PLEKHM3: variants seen among roughly 807,000 people sequenced by gnomAD.
The protein encoded by PLEKHM3 is pleckstrin homology domain-containing family M member 3.
Under a neutral mutation model 81.8 loss-of-function variants are expected in PLEKHM3, and 45 were observed. That is an observed-to-expected ratio of 0.55 (90% confidence interval 0.43 to 0.71). The LOEUF (loss-of-function observed/expected upper bound fraction) is 0.71, where lower values mean the gene tolerates loss of function less well. PLEKHM3 is among the 30% of genes least tolerant of loss of function. The pLI is 0.00. For missense variants in PLEKHM3, 788 were observed against 924.3 expected, an observed-to-expected ratio of 0.85 and a Z score of 1.91; for synonymous variants, 352 against 356.4, an observed-to-expected ratio of 0.99 and a Z score of 0.14.
intron 6 of PLEKHM3, among the ~76,000 whole-genome samples, chr2:207,897,422 G>GT (rs1688262073): frequency 6.6e-6 from 1 of 152,130 alleles, no homozygotes; most frequent in African/African-American, 2.4e-5. Context: ...TATCTCCTAA[G>GT]CCCTTAAGTG....
At chr2:207,964,515 G>A (rs1210540900) in intron 3 of PLEKHM3, among the ~76,000 whole-genome samples, 1 of 152,134 alleles carries the variant, frequency 6.6e-6, no homozygotes, top group Admixed American at 6.5e-5. Flanking sequence ...AGGCTGCAAA[G>A]GAGAAATGTT....
chr2:207,956,491 T>C (rs894829177), intron 3 of PLEKHM3, among the ~76,000 whole-genome samples: 1 of 151,384 alleles, frequency 6.6e-6, no homozygotes, highest in African/African-American at 2.4e-5. Context: ...TAAAAAAAGA[T>C]ATAGGAACAA....
At chr2:207,951,638 C>G (rs147840335) in intron 3 of PLEKHM3, among the ~76,000 whole-genome samples, 1 of 152,284 alleles carries the variant, frequency 6.6e-6, no homozygotes, top group African/African-American at 2.4e-5. Flanking sequence ...ACCATTTAAC[C>G]AAAATCCTAT....
chr2:207,848,189 C>A (rs918529146), intron 7 of PLEKHM3, among the ~76,000 whole-genome samples: 1 of 152,204 alleles, frequency 6.6e-6, no homozygotes, highest in Non-Finnish European at 1.5e-5. Context: ...GTGCTTCTCT[C>A]CCCTTCTCCT....
rs762619666 is a variant in PLEKHM3, at chr2:207,976,619, A to C, written c.1546+32T>G. On this transcript the variant is annotated intron_variant, in intron 3 of 7. Transcript: ENST00000427836. This position sits in a 1 kb window ranked among gnomAD's most constrained non-coding sequence, Gnocchi z 4.1. The stretch of plus-strand genomic sequence containing the variant: ...ATTGTGGGGTTCAGGATTGTTCTTT[A>C]ATGAGCTATAGGCTGAAAATCTGCT... 81 of 1,577,832 alleles carry C rather than the reference A, an allele frequency of 5.1e-5. No homozygotes were observed. The highest frequency in any genetic ancestry group is 5.0e-5 in the Non-Finnish European group (58 of 1,160,104).
chr2:207,922,423 G>A (rs1018168496), intron 5 of PLEKHM3, among the ~76,000 whole-genome samples: 10 of 152,168 alleles, frequency 6.6e-5, no homozygotes, highest in Non-Finnish European at 1.5e-4. Flanking sequence ...ACTAGCATGT[G>A]TGGTCTTCTA....
chr2:207,963,308 A>T (rs1042075339), intron 3 of PLEKHM3, among the ~76,000 whole-genome samples: 8 of 152,194 alleles, frequency 5.3e-5, no homozygotes, highest in East Asian at 1.9e-4. Context: ...GTGTGGCTGG[A>T]ACAGTGTGTA....
At chr2:207,861,578 A>G (rs1488501074) in intron 6 of PLEKHM3, among the ~76,000 whole-genome samples, 2 of 152,220 alleles carry the variant, frequency 1.3e-5, no homozygotes, top group South Asian at 2.1e-4. Flanking sequence ...AGGGTGTGGT[A>G]TAAGAGGAGT....
chr2:207,876,715 A>C (rs1268954228), intron 6 of PLEKHM3, among the ~76,000 whole-genome samples: 1 of 152,210 alleles, frequency 6.6e-6, no homozygotes. Flanking sequence ...GACTTAAGTA[A>C]CCAATCAGTT....
chr2:207,837,704 G>A (rs917287060), intron 7 of PLEKHM3, among the ~76,000 whole-genome samples: 16 of 124,006 alleles, frequency 1.3e-4, no homozygotes, highest in Non-Finnish European at 1.9e-4. Context: ...TGCCCACCTC[G>A]GCCTCCCAAA....
intron 3 of PLEKHM3, among the ~76,000 whole-genome samples, chr2:207,970,008 C>T (rs1343719095): frequency 6.6e-6 from 1 of 152,110 alleles, no homozygotes; most frequent in East Asian, 1.9e-4. Flanking sequence ...AATAATCAGC[C>T]CCCTTCTCTT....
intron 1 of PLEKHM3, among the ~76,000 whole-genome samples, chr2:208,017,373 G>C (rs1293024405): frequency 6.6e-6 from 1 of 152,094 alleles, no homozygotes; most frequent in Non-Finnish European, 1.5e-5. Context: ...CCAACGAACT[G>C]GTGGAGGGAG....
rs2092229554 is a variant in PLEKHM3 at position 207,823,267 on chromosome 2, A to C, written c.*5052T>G. The C allele has an allele frequency of 6.6e-6, 1 of 152,068 alleles. No homozygotes were observed. Among genetic ancestry groups the C allele is most frequent in the Non-Finnish European group, 1.5e-5 (1 of 68,034 alleles). 9.4% of individuals were successfully genotyped at this position (152,068 alleles called of 1,614,324 possible). On this transcript the variant is annotated 3_prime_UTR_variant, in exon 8 of 8. Coordinates refer to ENST00000427836, the MANE Select transcript of PLEKHM3 (RefSeq NM_001080475.3). The stretch of plus-strand genomic sequence containing the variant: ...CCATCACACCAGCGGCCACTTTACG[A>C]AGACAGTGCCACAAAACATGATCAT...
At chr2:208,004,166 C>T (rs1172195720) in intron 1 of PLEKHM3, among the ~76,000 whole-genome samples, 1 of 152,006 alleles carries the variant, frequency 6.6e-6, no homozygotes, top group Non-Finnish European at 1.5e-5. Flanking sequence ...TGCCTGTAAT[C>T]CCAGCACTGT....
At chr2:207,853,499 T>C (rs1574337300) in intron 7 of PLEKHM3, among the ~76,000 whole-genome samples, 1 of 151,580 alleles carries the variant, frequency 6.6e-6, no homozygotes, top group East Asian at 2.0e-4. Context: ...TTTGGGAGGC[T>C]GAGGTGGGTG....
At chr2:207,832,660 T>C (rs2092295012) in intron 7 of PLEKHM3, among the ~76,000 whole-genome samples, 2 of 149,606 alleles carry the variant, frequency 1.3e-5, no homozygotes, top group African/African-American at 4.9e-5. Flanking sequence ...GGTGTGGTGG[T>C]GTGTGCCTGT....
At chr2:207,946,218 T>C (rs1002915396) in intron 4 of PLEKHM3, 149 bp downstream of exon 4, 14 of 790,514 alleles carry the variant, frequency 1.8e-5, no homozygotes, top group Non-Finnish European at 2.5e-5. Context: ...GTGAGATATA[T>C]AAGAAGCATT....
chr2:207,901,196 AG>A, intron 6 of PLEKHM3: 1 of 698,900 alleles, frequency 1.4e-6, no homozygotes, highest in Non-Finnish European at 2.6e-6. Context: ...CTTCCACAAA[AG>A]GCAGTGACTT....
At chr2:207,860,372 G>T (rs544828080) in intron 7 of PLEKHM3, among the ~76,000 whole-genome samples, 9 of 152,122 alleles carry the variant, frequency 5.9e-5, no homozygotes, top group Non-Finnish European at 1.0e-4. Context: ...CTGGCTGTAT[G>T]CCTTACCTTC....
Sources: allele counts gnomAD v4.1 joint callset (sites outside exome capture counted in the v4.1 genomes callset), GRCh38; gene constraint gnomAD v4.1.1; non-coding constraint Gnocchi (gnomAD v3.1); transcripts MANE v1.5; gene names NCBI Gene and HGNC (gene_info 2026-07-23, HGNC 2026-07-21).